HACD4: variants seen among roughly 807,000 people sequenced by gnomAD.
The protein encoded by HACD4 is 3-hydroxyacyl-CoA dehydratase 4.
Under a neutral mutation model 33.3 loss-of-function variants are expected in HACD4, and 35 were observed. That is an observed-to-expected ratio of 1.05 (90% CI 0.80 to 1.39). The LOEUF is 1.39. Among genes scored for constraint, HACD4 ranks in the 40% most tolerant of loss-of-function variants. HACD4 has a pLI of 0.00. For synonymous variants in HACD4, 118 were observed against 98.0 expected (o/e 1.20, Z -1.21); for missense variants, 323 against 276.5 (o/e 1.17, Z -1.19).
At chr9:21,009,664 T>TA (rs1437569073) in intron 5 of HACD4, among the ~76,000 whole-genome samples, 3 of 152,178 alleles carry the variant, frequency 2.0e-5, no homozygotes, top group Non-Finnish European at 4.4e-5. Context: ...CCACCTCGCT[T>TA]ACTTTTCGTG....
chr9:21,020,535 T>A (rs552131577), intron 3 of HACD4, among the ~76,000 whole-genome samples: 3 of 152,326 alleles, frequency 2.0e-5, no homozygotes, highest in East Asian at 3.9e-4. Context: ...AAAAGTCAAG[T>A]TGTTTTGATT....
rs1210412749 is a variant in HACD4 at position 21,002,314 on chromosome 9, AAAGCT to A, written c.*4718_*4722del. The A allele has an allele frequency of 6.6e-6, 1 of 152,162 alleles. No homozygotes were observed. Among genetic ancestry groups the A allele is most frequent in the Non-Finnish European group, 1.5e-5 (1 of 67,998 alleles). 9.4% of individuals were successfully genotyped at this position (152,162 alleles called of 1,614,324 possible). A position where few individuals can be genotyped will look rare whatever the true frequency, so the allele number is the denominator to read the frequency against. On this transcript the variant is annotated 3_prime_UTR_variant, in exon 7 of 7. Coordinates refer to ENST00000495827, the MANE Select transcript of HACD4 (RefSeq NM_001010915.5). The stretch of plus-strand genomic sequence containing the variant: ...CGTAATGCAGGAAATGAGGGACAAA[AAAGCT>A]AAGCTATGTAGAAAACAAATAGCAA...
At chr9:21,029,709 G>C (rs1818157963) in intron 1 of HACD4, among the ~76,000 whole-genome samples, 1 of 152,156 alleles carries the variant, frequency 6.6e-6, no homozygotes, top group South Asian at 2.1e-4. Flanking sequence ...CTGATCTACA[G>C]AACATCACAG....
intron 4 of HACD4, among the ~76,000 whole-genome samples, chr9:21,013,452 A>G (rs183492899): frequency 6.6e-5 from 10 of 152,318 alleles, no homozygotes; most frequent in African/African-American, 1.7e-4. Context: ...TGAGTCCTTC[A>G]ACTACATTCT....
intron 4 of HACD4, among the ~76,000 whole-genome samples, chr9:21,013,640 G>A (rs1396277229): frequency 6.6e-6 from 1 of 152,140 alleles, no homozygotes; most frequent in East Asian, 1.9e-4. Context: ...CATGTGGGAT[G>A]TCCTTTCATT....
intron 1 of HACD4, among the ~76,000 whole-genome samples, chr9:21,029,775 G>A (rs1818159237): frequency 6.6e-6 from 1 of 152,216 alleles, no homozygotes; most frequent in South Asian, 2.1e-4. Flanking sequence ...TTACAGTTGG[G>A]TGGAATCATC....
At position 21,031,560 on chromosome 9, in the gene HACD4, G is replaced by A; in HGVS notation, c.31C>T (p.Gln11Ter). The A allele has an allele frequency of 1.4e-6, 2 of 1,457,148 alleles. No homozygotes were observed. The highest frequency in any genetic ancestry group is 1.8e-6 in the Non-Finnish European group (2 of 1,111,286). 90.3% of individuals were successfully genotyped at this position (1,457,148 alleles called of 1,614,324 possible). A position where few individuals can be genotyped will look rare whatever the true frequency, so the allele number is the denominator to read the frequency against. Residue 11 changes from glutamine to a stop codon, truncating the protein, a stop_gained, in exon 1 of 7, where the codon CAG becomes TAG. Transcript: ENST00000495827. LOFTEE classifies it high-confidence loss of function. ...TTCGGCCGAGCGCCCTACCTGGGCTGCAGCCAGGCGGGCAGCGCCAAGGGC... is the reference window on the plus strand; with the variant it reads ...TTCGGCCGAGCGCCCTACCTGGGCTACAGCCAGGCGGGCAGCGCCAAGGGC... Reference protein sequence around the residue: MGPLALPAWLQPRYRKNAYLF... With the variant: MGPLALPAWL
At chr9:21,011,393 G>A (rs1215967306) in intron 5 of HACD4, among the ~76,000 whole-genome samples, 196 bp downstream of exon 5, 1 of 152,194 alleles carries the variant, frequency 6.6e-6, no homozygotes, top group Non-Finnish European at 1.5e-5. Flanking sequence ...TTTTTGTCCA[G>A]TATTTTGTCT....
chr9:21,015,642 G>A, intron 4 of HACD4: 1 of 316,384 alleles, frequency 3.2e-6, no homozygotes, highest in East Asian at 5.6e-5. Context: ...GTTATTCCAA[G>A]TTGGTTTTAT....
chr9:21,010,467 C>CCA (rs1168139217), intron 5 of HACD4, among the ~76,000 whole-genome samples: 2 of 117,768 alleles, frequency 1.7e-5, no homozygotes, highest in Admixed American at 1.7e-4. Flanking sequence ...CCCCCCCCCC[C>CCA]CCCAGAGCTT....
chr9:21,001,147 G>A lies in HACD4; in HGVS notation c.*5890C>T, dbSNP rs987838734. Reference sequence around the variant, plus strand: ...GTGGATCCACTAAAGGCTCTACAACGACTGCCTTAAGGATGTTTTTTAAAG... The same window carrying A: ...GTGGATCCACTAAAGGCTCTACAACAACTGCCTTAAGGATGTTTTTTAAAG... On this transcript the variant is annotated 3_prime_UTR_variant, in exon 7 of 7. Transcript: ENST00000495827. The A allele has an allele frequency of 2.6e-5, 4 of 151,960 alleles. No individual in the cohort carries two copies. The highest frequency in any genetic ancestry group is 1.3e-4 in the Admixed American group (2 of 15,238). The allele number at this position is 151,960 out of a possible 1,614,324, so 9.4% of individuals were successfully genotyped here. A position where few individuals can be genotyped will look rare whatever the true frequency, so the allele number is the denominator to read the frequency against.
chr9:21,027,126 T>TTG (rs1051664852), intron 2 of HACD4, among the ~76,000 whole-genome samples: 5 of 152,092 alleles, frequency 3.3e-5, no homozygotes, highest in African/African-American at 7.2e-5. Flanking sequence ...GACAAGAAAA[T>TTG]GACAAAGATG....
In HACD4 at chr9:21,003,809, G is replaced by C. The variant is rs1402878101; in HGVS notation, c.*3228C>G. The C allele has an allele frequency of 6.6e-6, 1 of 152,088 alleles. No individual in the cohort carries two copies. Among genetic ancestry groups the C allele is most frequent in the African/African-American group, 2.4e-5 (1 of 41,414 alleles). 9.4% of individuals were successfully genotyped at this position (152,088 alleles called of 1,614,324 possible). A position where few individuals can be genotyped will look rare whatever the true frequency, so the allele number is the denominator to read the frequency against. On this transcript the variant is annotated 3_prime_UTR_variant, in exon 7 of 7. Transcript: ENST00000495827. ...CAAAGAAAGCATTTTTCAAAACTAT[G>C]TAAGGACATATGACTTACATTACAG... is the stretch of plus-strand genomic sequence containing the variant.
chr9:21,005,723 TGG>T lies in HACD4; in HGVS notation c.*1312_*1313del, dbSNP rs1352531770. The T allele has an allele frequency of 1.3e-5, 2 of 152,280 alleles. No individual in the cohort carries two copies. The highest frequency in any genetic ancestry group is 2.9e-5 in the Non-Finnish European group (2 of 68,116). 9.4% of individuals were successfully genotyped at this position (152,280 alleles called of 1,614,324 possible). A position where few individuals can be genotyped will look rare whatever the true frequency, so the allele number is the denominator to read the frequency against. ...GGGTCATCCTCCTCCAACATAGTCC[TGG>T]GGGCAATACCTCTGCCTCACTGGGT... On this transcript the variant is annotated 3_prime_UTR_variant, in exon 7 of 7. Coordinates refer to ENST00000495827, the MANE Select transcript of HACD4 (RefSeq NM_001010915.5). This position sits in a 1 kb window ranked among gnomAD's most constrained non-coding sequence, Gnocchi z 4.0.
intron 4 of HACD4, 37 bp downstream of exon 4, chr9:21,015,861 T>C (rs776111297): frequency 7.3e-7 from 1 of 1,371,476 alleles, no homozygotes; most frequent in Admixed American, 1.7e-5. Context: ...CAGAAAGCAA[T>C]TTAGCCTTGT....
chr9:21,019,198 A>C (rs978293961), intron 3 of HACD4, among the ~76,000 whole-genome samples: 5 of 152,110 alleles, frequency 3.3e-5, no homozygotes, highest in Non-Finnish European at 7.4e-5. Flanking sequence ...ATAGCTGTGA[A>C]CAAGACCAAG....
In HACD4 at chr9:21,006,909, G is replaced by A; in HGVS notation, c.*128C>T. 1.4e-6 allele frequency: 1 copy of A among 704,800 alleles called. No homozygotes were observed. Among genetic ancestry groups the A allele is most frequent in the Admixed American group, 2.2e-5 (1 of 46,116 alleles). The allele number at this position is 704,800 out of a possible 1,614,324, so 43.7% of individuals were successfully genotyped here. On this transcript the variant is annotated 3_prime_UTR_variant, in exon 7 of 7. Coordinates refer to ENST00000495827, the MANE Select transcript of HACD4 (RefSeq NM_001010915.5). The surrounding 1 kb of genome is among the most constrained non-coding windows in gnomAD (Gnocchi z 4.6). ...TATGTCTAGAGTTTTGGGGGTATGT[G>A]CAGTTATTTCATGTAATGGATTTTT... is the stretch of plus-strand genomic sequence containing the variant.
intron 4 of HACD4, among the ~76,000 whole-genome samples, chr9:21,014,489 T>C (rs930322470): frequency 2.6e-5 from 4 of 152,166 alleles, no homozygotes; most frequent in Non-Finnish European, 5.9e-5. Flanking sequence ...ATGACTCCAT[T>C]TATATGAACT....
At chr9:21,018,465 C>G (rs1041996220) in intron 3 of HACD4, among the ~76,000 whole-genome samples, 2 of 152,140 alleles carry the variant, frequency 1.3e-5, no homozygotes, top group Admixed American at 1.3e-4. Flanking sequence ...ATAGCCTATT[C>G]TTTAAAAAAG....
Sources: allele counts gnomAD v4.1 joint callset (sites outside exome capture counted in the v4.1 genomes callset), GRCh38; gene constraint gnomAD v4.1.1; non-coding constraint Gnocchi (gnomAD v3.1); transcripts MANE v1.5; gene names NCBI Gene and HGNC (gene_info 2026-07-23, HGNC 2026-07-21).